TENM3: variants seen among roughly 807,000 people sequenced by gnomAD.
The protein encoded by TENM3 is teneurin transmembrane protein 3, also known as teneurin-3.
Under a neutral mutation model 255.1 loss-of-function variants are expected in TENM3, and 63 were observed. The observed-to-expected ratio is 0.25, with a 90% CI of 0.20 to 0.30. TENM3 has a LOEUF of 0.30. TENM3 is among the 10% of genes least tolerant of loss of function. TENM3 has a pLI of 1.00. For missense variants in TENM3, 2,929 were observed against 3,461.1 expected (o/e 0.85, Z 3.86); for synonymous variants, 1,306 against 1,322.3 (o/e 0.99, Z 0.27).
the TENM3 span, among the ~76,000 whole-genome samples, chr4:181,879,036 A>G: frequency 2.6e-5 from 4 of 152,140 alleles, no homozygotes; most frequent in East Asian, 7.7e-4. Flanking sequence ...TTAGTTTCAG[A>G]TGAAAGTGGG....
intron 9 of TENM3, 51 bp downstream of exon 9, chr4:182,680,400 C>A: frequency 7.2e-7 from 1 of 1,396,308 alleles, no homozygotes; most frequent in Non-Finnish European, 1.0e-6. Context: ...GCTGTAGAAA[C>A]ACAAGTGATT....
intron 1 of TENM3, among the ~76,000 whole-genome samples, chr4:182,203,879 C>T (rs1168836482): frequency 6.6e-6 from 1 of 152,158 alleles, no homozygotes; most frequent in Non-Finnish European, 1.5e-5. Flanking sequence ...TACAAGACCT[C>T]GTGGAATCAT....
chr4:181,452,018 A>G, the TENM3 span, among the ~76,000 whole-genome samples: 1 of 152,130 alleles, frequency 6.6e-6, no homozygotes, highest in Admixed American at 6.6e-5. Context: ...AAACCTGGAG[A>G]GTCGGCAACA....
chr4:182,426,912 C>T (rs947658895), intron 3 of TENM3, among the ~76,000 whole-genome samples: 1 of 152,108 alleles, frequency 6.6e-6, no homozygotes, highest in African/African-American at 2.4e-5. Flanking sequence ...AATTTCTAAA[C>T]ATGTTTCCAA....
At chr4:182,223,842 C>A (rs2149976582) in intron 1 of TENM3, among the ~76,000 whole-genome samples, 1 of 149,316 alleles carries the variant, frequency 6.7e-6, no homozygotes, top group Non-Finnish European at 1.5e-5. Context: ...CTTCTATCTA[C>A]CACTTGGCAG....
In TENM3 at chr4:182,728,242, C is replaced by A. The variant is rs80301367; in HGVS notation, c.2369-723C>A. Among the ~76,000 whole-genome samples, 584 of 152,282 alleles carry A rather than the reference C, an allele frequency of 3.8e-3. 3 individuals carry two copies. The highest frequency in any genetic ancestry group is 0.014 in the Middle Eastern group (4 of 294). ...CTTCATAAACTTTCACTTTCTGACC[C>A]TCTCCCAAATTTTAGAGCTTCGTCC... On this transcript the variant is annotated intron_variant, in intron 13 of 27. Transcript: ENST00000511685.
chr4:182,248,551 T>C (rs1258434252), intron 1 of TENM3, among the ~76,000 whole-genome samples: 1 of 152,228 alleles, frequency 6.6e-6, no homozygotes, highest in Non-Finnish European at 1.5e-5. Flanking sequence ...TTTAAGTAGA[T>C]GGTTAAATAT....
chr4:182,553,378 CG>C (rs538892068), intron 3 of TENM3, among the ~76,000 whole-genome samples: 298 of 100,504 alleles, frequency 3.0e-3, no homozygotes, highest in African/African-American at 0.012. Context: ...TGGAGCCTGT[CG>C]TGGGGTGGGG....
chr4:181,922,407 T>G, the TENM3 span, among the ~76,000 whole-genome samples: 1 of 152,228 alleles, frequency 6.6e-6, no homozygotes, highest in Non-Finnish European at 1.5e-5. Flanking sequence ...TGCCACAATT[T>G]CAGAGCCTGT....
intron 1 of TENM3, among the ~76,000 whole-genome samples, chr4:182,148,207 T>C (rs1750092309): frequency 6.6e-6 from 1 of 152,126 alleles, no homozygotes; most frequent in Non-Finnish European, 1.5e-5. Flanking sequence ...TTGTAATCAA[T>C]TTTAGATACA....
chr4:182,283,299 T>C (rs1760518446), intron 1 of TENM3, among the ~76,000 whole-genome samples: 1 of 152,238 alleles, frequency 6.6e-6, no homozygotes, highest in Non-Finnish European at 1.5e-5. Flanking sequence ...AAGATGGTGG[T>C]AATAAAAACG....
chr4:182,173,740 A>G (rs1752258667), intron 1 of TENM3, among the ~76,000 whole-genome samples: 1 of 152,204 alleles, frequency 6.6e-6, no homozygotes, highest in African/African-American at 2.4e-5. Context: ...AGATATGGGA[A>G]ATAGAGAAAA....
chr4:181,600,424 C>T, the TENM3 span, among the ~76,000 whole-genome samples: 1 of 152,166 alleles, frequency 6.6e-6, no homozygotes, highest in Non-Finnish European at 1.5e-5. Flanking sequence ...AGACCCACAG[C>T]CTGTTCCTGG....
intron 5 of TENM3, among the ~76,000 whole-genome samples, chr4:182,647,536 A>C (rs1047690974): frequency 6.6e-6 from 1 of 152,194 alleles, no homozygotes; most frequent in Non-Finnish European, 1.5e-5. Context: ...TGCATGTCGC[A>C]TTCTATAGCA....
chr4:182,094,281 T>C, the TENM3 span, among the ~76,000 whole-genome samples: 3 of 151,992 alleles, frequency 2.0e-5, no homozygotes, highest in Non-Finnish European at 4.4e-5. Flanking sequence ...AGTTTTGCTC[T>C]GTTCCCTAGA....
chr4:181,690,941 G>T, the TENM3 span, among the ~76,000 whole-genome samples: 3 of 152,076 alleles, frequency 2.0e-5, no homozygotes, highest in Non-Finnish European at 2.9e-5. Flanking sequence ...ACCTTTTTAA[G>T]CCTTTTTAAA....
chr4:182,704,993 A>T (rs755274050), intron 12 of TENM3, among the ~76,000 whole-genome samples: 3 of 152,196 alleles, frequency 2.0e-5, no homozygotes, highest in Non-Finnish European at 4.4e-5. Flanking sequence ...TCTTAAGAAT[A>T]TGTAATTGTT....
the TENM3 span, among the ~76,000 whole-genome samples, chr4:181,497,022 T>C: frequency 2.0e-5 from 3 of 152,200 alleles, no homozygotes; most frequent in African/African-American, 7.2e-5. Context: ...CCCACTGAAA[T>C]GTTACAGCCT....
chr4:181,851,726 G>C, the TENM3 span, among the ~76,000 whole-genome samples: 14 of 152,120 alleles, frequency 9.2e-5, no homozygotes, highest in African/African-American at 3.4e-4. Context: ...GCATAGTAAG[G>C]AAAAGCAATA....
Sources: allele counts gnomAD v4.1 joint callset (sites outside exome capture counted in the v4.1 genomes callset), GRCh38; gene constraint gnomAD v4.1.1; transcripts MANE v1.5; gene names NCBI Gene and HGNC (gene_info 2026-07-23, HGNC 2026-07-21).